Variants in ENG observed in about 807,000 individuals in gnomAD.
ENG encodes endoglin, also known as CD105 antigen.
In ENG, 17 loss-of-function variants were observed where a neutral mutation model predicts 71.0. The ratio of observed to expected loss-of-function variants is 0.24; its 90% CI spans 0.16 to 0.36. The LOEUF (loss-of-function observed/expected upper bound fraction) is 0.36. ENG is among the 10% of genes least tolerant of loss of function. The pLI is 1.00. For synonymous variants in ENG, 360 were observed against 366.9 expected, an observed-to-expected ratio of 0.98 and a Z score of 0.21; for missense variants, 749 against 868.3, an observed-to-expected ratio of 0.86 and a Z score of 1.73.
intron 8 of ENG, among the ~76,000 whole-genome samples, chr9:127,820,393 C>G (rs1830441773): frequency 6.6e-6 from 1 of 151,532 alleles, no homozygotes; most frequent in Non-Finnish European, 1.5e-5. Context: ...TAGGGTTTCA[C>G]CATGTTGGCC....
chr9:127,819,687 T>C lies in ENG; in HGVS notation c.1273-27A>G, dbSNP rs1172350188. On this transcript the variant is annotated intron_variant, in intron 9 of 14. Transcript: ENST00000373203. ...TGCGGGGATAAAGCCAGGGAGCTGG[T>C]CAGAGCCAGAAAGGACCCCAGAGGG... is the stretch of plus-strand genomic sequence containing the variant. 3 of 1,599,780 alleles carry C rather than the reference T, an allele frequency of 1.9e-6. No individual in the cohort carries two copies. In the African/African-American group the frequency reaches 4.0e-5, roughly 21 times the overall value.
intron 1 of ENG, among the ~76,000 whole-genome samples, chr9:127,845,545 C>A (rs1224663821): frequency 6.6e-6 from 1 of 152,240 alleles, no homozygotes; most frequent in East Asian, 1.9e-4. Flanking sequence ...ACCTGGTTTG[C>A]CTCTCAGGCC....
chr9:127,830,537 C>A (rs780874103), intron 2 of ENG, among the ~76,000 whole-genome samples: 2 of 151,496 alleles, frequency 1.3e-5, no homozygotes, highest in African/African-American at 4.9e-5. Context: ...ATTCCAACTA[C>A]TTGGGAGGCT....
Position 127,825,268 on chromosome 9 carries a change from G to A in ENG, c.779C>T (p.Ser260Phe). 1 of 1,612,610 alleles carries A rather than the reference G, an allele frequency of 6.2e-7. No individual in the cohort carries two copies. ...GTTGTGGTTGGCGTCGATGAGCCAGGACACGTAGGGGGGACCCTGCAGGAT... is the reference window on the plus strand; with the variant it reads ...GTTGTGGTTGGCGTCGATGAGCCAGAACACGTAGGGGGGACCCTGCAGGAT... ...VLILQGPPYV[S>F]WLIDANHNMQ... The change falls in exon 6 of 15, where the codon TCC (serine) becomes TTC (phenylalanine). Residue 260 changes from serine (S) to phenylalanine (F), a missense_variant. Physicochemically the swap from Ser to Phe is radical, Grantham distance 155. Coordinates refer to ENST00000373203, the MANE Select transcript of ENG (RefSeq NM_001114753.3).
chr9:127,822,681 A>G (rs1325312446), intron 8 of ENG, among the ~76,000 whole-genome samples: 1 of 152,126 alleles, frequency 6.6e-6, no homozygotes, highest in Non-Finnish European at 1.5e-5. Flanking sequence ...ACATTAAGTG[A>G]AATAGTAAGA....
intron 1 of ENG, among the ~76,000 whole-genome samples, chr9:127,847,884 C>T (rs1255649656): frequency 1.3e-5 from 2 of 152,144 alleles, no homozygotes; most frequent in East Asian, 1.9e-4. Context: ...GCCTTGGCCC[C>T]GGGCTCCCCC....
intron 1 of ENG, among the ~76,000 whole-genome samples, chr9:127,850,054 C>G (rs1323690280): frequency 6.6e-6 from 1 of 152,196 alleles, no homozygotes; most frequent in Non-Finnish European, 1.5e-5. Flanking sequence ...TTGAAGCCAG[C>G]TGAACCCTGG....
chr9:127,835,819 G>A (rs1372357157), intron 2 of ENG, among the ~76,000 whole-genome samples: 1 of 152,178 alleles, frequency 6.6e-6, no homozygotes, highest in Non-Finnish European at 1.5e-5. Flanking sequence ...TGCTGTCTGT[G>A]AGGGGTGACG....
chr9:127,833,066 T>C (rs1830805231), intron 2 of ENG, among the ~76,000 whole-genome samples: 1 of 152,016 alleles, frequency 6.6e-6, no homozygotes, highest in South Asian at 2.1e-4. Flanking sequence ...CGCTCTCACA[T>C]TTTTCCACAC....
intron 2 of ENG, among the ~76,000 whole-genome samples, chr9:127,837,515 C>CT (rs902380220): frequency 1.3e-5 from 2 of 152,172 alleles, no homozygotes; most frequent in African/African-American, 4.8e-5. Context: ...ATTTGCCTGT[C>CT]TGAGAGGCTG....
rs144747159 is a variant in ENG, at chr9:127,832,293, T to C, written c.220-2466A>G. Among the ~76,000 whole-genome samples, 120 of 152,066 alleles carry C rather than the reference T, an allele frequency of 7.9e-4. 2 individuals carry two copies. The highest frequency in any genetic ancestry group is 2.6e-3 in the African/African-American group (107 of 41,468). On this transcript the variant is annotated intron_variant, in intron 2 of 14. Coordinates refer to ENST00000373203, the MANE Select transcript of ENG (RefSeq NM_001114753.3). ...TTTCAGCATGTTGGCCAGACTGGTCTCAAACTCTTGACCTCAAATGATCTG... is the reference window on the plus strand; with the variant it reads ...TTTCAGCATGTTGGCCAGACTGGTCCCAAACTCTTGACCTCAAATGATCTG...
intron 7 of ENG, 116 bp from the exon 8 acceptor site, chr9:127,824,562 G>A (rs570463837): frequency 4.2e-5 from 52 of 1,244,634 alleles, no homozygotes; most frequent in South Asian, 2.2e-4. Context: ...TCTGTTACCC[G>A]GGCTGGAGTG....
At chr9:127,839,031 C>A (rs1052632118) in intron 2 of ENG, among the ~76,000 whole-genome samples, 2 of 152,210 alleles carry the variant, frequency 1.3e-5, no homozygotes, top group African/African-American at 4.8e-5. Flanking sequence ...CCCCCACTAC[C>A]ACGTCCAGCC....
At chr9:127,829,618 C>T in intron 3 of ENG, 69 bp downstream of exon 3, 2 of 1,601,034 alleles carry the variant, frequency 1.2e-6, no homozygotes, top group Non-Finnish European at 8.5e-7. Flanking sequence ...GACCCTGACC[C>T]ACAGAGATGG....
At position 127,818,948 on chromosome 9, in the gene ENG, T is replaced by G. The variant is rs1236893910; in HGVS notation, c.1312-116A>C. 12 of 893,310 alleles carry G rather than the reference T, an allele frequency of 1.3e-5. No homozygotes were observed. In the East Asian group the frequency reaches 3.0e-4, roughly 22 times the overall value. The allele number at this position is 893,310 out of a possible 1,614,324, so 55.3% of individuals were successfully genotyped here. A position where few individuals can be genotyped will look rare whatever the true frequency, so the allele number is the denominator to read the frequency against. On this transcript the variant is annotated intron_variant, in intron 10 of 14. Coordinates refer to ENST00000373203, the MANE Select transcript of ENG (RefSeq NM_001114753.3). ...TGGAGTTGCCTGACTCTCTTTTTTT[T>G]TTTTTTTGAGACGGAGTCTCGCTCT...
intron 3 of ENG, chr9:127,827,016 T>G (rs184143177): frequency 3.3e-5 from 11 of 334,120 alleles, no homozygotes; most frequent in Non-Finnish European, 5.8e-5. Flanking sequence ...CTCCCTACAC[T>G]GTGAGGGTCT....
intron 13 of ENG, chr9:127,816,783 C>G (rs947682099): frequency 1.3e-5 from 5 of 374,594 alleles, no homozygotes; most frequent in African/African-American, 1.0e-4. Context: ...GGAGAGGCCT[C>G]AAGGAAGGCA....
chr9:127,840,502 AAAAC>A lies in ENG; in HGVS notation c.219+2588_219+2591del, dbSNP rs1005436397. On this transcript the variant is annotated intron_variant, in intron 2 of 14. Transcript: ENST00000373203. ...TCCCAGCTACAGGAGTCTGAGGCAA[AAAAC>A]AAACAAACAAAAACAACAAAAAACA... is the stretch of plus-strand genomic sequence containing the variant. Among the ~76,000 whole-genome samples, 122 of 152,292 alleles carry A rather than the reference AAAAC, an allele frequency of 8.0e-4. 1 individual carries two copies. The highest frequency in any genetic ancestry group is 2.3e-3 in the African/African-American group (97 of 41,576).
At chr9:127,848,778 C>T (rs1215534613) in intron 1 of ENG, among the ~76,000 whole-genome samples, 5 of 152,186 alleles carry the variant, frequency 3.3e-5, no homozygotes, top group Admixed American at 6.5e-5. Context: ...AAGGAGAGTC[C>T]ACAGCATTCC....
Sources: allele counts gnomAD v4.1 joint callset (sites outside exome capture counted in the v4.1 genomes callset), GRCh38; gene constraint gnomAD v4.1.1; transcripts MANE v1.5; gene names NCBI Gene and HGNC (gene_info 2026-07-23, HGNC 2026-07-21).